Variants in AHCYL2 observed in about 807,000 individuals in gnomAD.
AHCYL2 encodes adenosylhomocysteinase like 2, also known as S-adenosylhomocysteine hydrolase-like protein 2.
A neutral mutation model predicts 81.4 loss-of-function variants in AHCYL2; 28 were observed. That is an observed-to-expected ratio of 0.34 (90% CI 0.25 to 0.47). The LOEUF is 0.47. Ranked by LOEUF, AHCYL2 falls within the 20% of genes least tolerant of loss-of-function variation. AHCYL2 has a pLI of 1.00. For missense variants in AHCYL2, 551 were observed against 785.1 expected (o/e 0.70, Z 3.56); for synonymous variants, 272 against 290.2 (o/e 0.94, Z 0.64).
chr7:129,339,632 A>C (rs187696845), intron 1 of AHCYL2, among the ~76,000 whole-genome samples: 1 of 151,986 alleles, frequency 6.6e-6, no homozygotes, highest in Non-Finnish European at 1.5e-5. Flanking sequence ...ACTGGGCTCA[A>C]GCAATCCTCC....
At chr7:129,317,057 A>G (rs1294806893) in intron 1 of AHCYL2, among the ~76,000 whole-genome samples, 1 of 152,238 alleles carries the variant, frequency 6.6e-6, no homozygotes, top group East Asian at 1.9e-4. Context: ...AAGATAGGTC[A>G]AGGGAAAATT....
chr7:129,297,366 G>A (rs1797087628), intron 1 of AHCYL2, among the ~76,000 whole-genome samples: 1 of 152,184 alleles, frequency 6.6e-6, no homozygotes, highest in Middle Eastern at 3.2e-3. Context: ...TAAAGGTACT[G>A]AAAAAGCATA....
chr7:129,389,052 C>G lies in AHCYL2; in HGVS notation c.476-4C>G, dbSNP rs1189862447. Reference sequence around the variant, plus strand: ...TCCGAGTGTTTTTTATTCTGTCATTCCAGCGGCTTCATATACAGATAGCTC... The same window carrying G: ...TCCGAGTGTTTTTTATTCTGTCATTGCAGCGGCTTCATATACAGATAGCTC... On this transcript the variant is annotated splice_polypyrimidine_tract_variant and splice_region_variant and intron_variant, in intron 2 of 16. Transcript: ENST00000325006. The G allele has an allele frequency of 7.5e-6, 12 of 1,598,790 alleles. No individual in the cohort carries two copies. The Admixed American group carries it at 1.8e-4, about 24-fold the overall frequency.
chr7:129,292,414 G>A (rs1482574367), intron 1 of AHCYL2, among the ~76,000 whole-genome samples: 1 of 152,154 alleles, frequency 6.6e-6, no homozygotes, highest in Non-Finnish European at 1.5e-5. Flanking sequence ...TTGCTGACTA[G>A]GGCTATATAT....
At chr7:129,405,942 T>C (rs1397809134) in intron 9 of AHCYL2, 43 bp downstream of exon 9, 2 of 1,585,404 alleles carry the variant, frequency 1.3e-6, no homozygotes, top group Non-Finnish European at 8.6e-7. Context: ...TAAATGGATT[T>C]TGTTGAAATA....
chr7:129,275,489 C>T (rs1796169422), intron 1 of AHCYL2, among the ~76,000 whole-genome samples: 1 of 152,106 alleles, frequency 6.6e-6, no homozygotes, highest in South Asian at 2.1e-4. Context: ...AAGAAATACA[C>T]CTAAGACATA....
intron 5 of AHCYL2, among the ~76,000 whole-genome samples, chr7:129,399,883 C>T (rs764428505): frequency 2.0e-5 from 3 of 152,038 alleles, no homozygotes; most frequent in Non-Finnish European, 1.5e-5. Context: ...TGCACCACCA[C>T]GCCCAACTAA....
chr7:129,283,728 A>G (rs567810744), intron 1 of AHCYL2, among the ~76,000 whole-genome samples: 3 of 152,200 alleles, frequency 2.0e-5, no homozygotes, highest in Non-Finnish European at 4.4e-5. Context: ...CAAACAATAT[A>G]GTACTTTTTG....
chr7:129,330,628 G>T (rs778330817), intron 1 of AHCYL2, among the ~76,000 whole-genome samples: 1 of 151,964 alleles, frequency 6.6e-6, no homozygotes, highest in African/African-American at 2.4e-5. Context: ...CCACCACCAC[G>T]CCCGGCTAAT....
At chr7:129,399,724 C>CT (rs778217871) in intron 5 of AHCYL2, among the ~76,000 whole-genome samples, 13,856 of 122,338 alleles carry the variant, frequency 0.11, 1,355 homozygotes, top group African/African-American at 0.21. Flanking sequence ...CCTTTAGTCA[C>CT]TTTTTTTTTT....
chr7:129,256,549 A>ACCCCCCCCAC, intron 1 of AHCYL2, among the ~76,000 whole-genome samples: 1 of 63,744 alleles, frequency 1.6e-5, no homozygotes, highest in Non-Finnish European at 2.9e-5. Context: ...CCCACCCCCC[A>ACCCCCCCCAC]CCCCCCCCCC....
intron 1 of AHCYL2, among the ~76,000 whole-genome samples, chr7:129,243,145 T>G (rs1238956500): frequency 6.6e-6 from 1 of 150,474 alleles, no homozygotes; most frequent in Non-Finnish European, 1.5e-5. Flanking sequence ...CTCAGCCTCC[T>G]GAGTAGCTGG....
Position 129,400,287 on chromosome 7 carries a change from C to T in AHCYL2, c.824-3C>T. On this transcript the variant is annotated splice_polypyrimidine_tract_variant and splice_region_variant and intron_variant, in intron 5 of 16. Transcript: ENST00000325006. The stretch of plus-strand genomic sequence containing the variant: ...GGTTTCCCTTTGTTCCTTTTTTTCC[C>T]AGGATTTCCTGTTTTTGCCTGGAAG... The T allele has an allele frequency of 1.2e-6, 2 of 1,609,098 alleles. No individual in the cohort carries two copies. The highest frequency in any genetic ancestry group is 1.7e-6 in the Non-Finnish European group (2 of 1,178,046).
intron 1 of AHCYL2, among the ~76,000 whole-genome samples, chr7:129,367,115 T>C (rs1344163441): frequency 6.6e-6 from 1 of 152,192 alleles, no homozygotes; most frequent in Non-Finnish European, 1.5e-5. Context: ...TGATTTTGAA[T>C]AGAATCGGAG....
intron 1 of AHCYL2, among the ~76,000 whole-genome samples, chr7:129,273,410 C>T (rs985263025): frequency 1.4e-5 from 2 of 139,024 alleles, no homozygotes; most frequent in African/African-American, 5.3e-5. Flanking sequence ...CTCACCGCAA[C>T]CTCTGCCTCC....
At chr7:129,246,277 T>G (rs995638070) in intron 1 of AHCYL2, among the ~76,000 whole-genome samples, 3 of 152,124 alleles carry the variant, frequency 2.0e-5, no homozygotes, top group African/African-American at 7.2e-5. Flanking sequence ...AGGCTGGTCT[T>G]GAACTCCCGA....
intron 2 of AHCYL2, among the ~76,000 whole-genome samples, chr7:129,388,424 C>T (rs745712855): frequency 1.3e-5 from 2 of 152,184 alleles, no homozygotes; most frequent in Non-Finnish European, 2.9e-5. Context: ...GATTTATTCA[C>T]TTCTTTGGGA....
chr7:129,293,576 G>C (rs926913442), intron 1 of AHCYL2, among the ~76,000 whole-genome samples: 2 of 151,950 alleles, frequency 1.3e-5, no homozygotes, highest in Non-Finnish European at 2.9e-5. Context: ...TACTAGGGGG[G>C]TGGGAGGACT....
At chr7:129,270,793 A>G (rs1294691680) in intron 1 of AHCYL2, among the ~76,000 whole-genome samples, 1 of 152,236 alleles carries the variant, frequency 6.6e-6, no homozygotes, top group East Asian at 1.9e-4. Context: ...CATGGCATAG[A>G]GAAATGTCAA....
Sources: gnomAD v4.1 joint callset for allele counts (sites outside exome capture counted in the v4.1 genomes callset) on GRCh38, gnomAD v4.1.1 for gene constraint, MANE v1.5 for transcripts, NCBI Gene and HGNC (gene_info 2026-07-23, HGNC 2026-07-21) for gene names.